RUFY2: variants seen among roughly 807,000 people sequenced by gnomAD.
RUFY2 encodes the protein RUN and FYVE domain-containing protein 2.
A neutral mutation model predicts 94.4 loss-of-function variants in RUFY2; 49 were observed. The observed-to-expected ratio is 0.52, with a 90% CI of 0.41 to 0.66. The LOEUF (loss-of-function observed/expected upper bound fraction) is 0.66, where lower values mean the gene tolerates loss of function less well. Ranked by LOEUF, RUFY2 falls within the 30% of genes least tolerant of loss-of-function variation. The pLI, the probability that RUFY2 is intolerant of heterozygous loss-of-function variation, is 0.00. For missense variants in RUFY2, 541 were observed against 692.8 expected (o/e 0.78, Z 2.46); for synonymous variants, 255 against 235.7 (o/e 1.08, Z -0.75).
chr10:68,377,543 T>C lies in RUFY2; in HGVS notation c.1206-571A>G, dbSNP rs149394056. ...GTGTGTGTGTGTGCACGTGTGCATA[T>C]ATGTTTAAGATTCAAAAAGAATTTG... On this transcript the variant is annotated intron_variant, in intron 12 of 17. Coordinates refer to ENST00000602465, the MANE Select transcript of RUFY2 (RefSeq NM_001330103.2). 3.5e-4 allele frequency: 345 copies of C among 985,482 alleles called. 1 individual carries two copies. The African/African-American group carries it at 5.6e-3, about 16-fold the overall frequency. 61.0% of individuals were successfully genotyped at this position (985,482 alleles called of 1,614,324 possible).
At chr10:68,371,273 T>A (rs1163995728) in intron 13 of RUFY2, among the ~76,000 whole-genome samples, 2 of 151,048 alleles carry the variant, frequency 1.3e-5, no homozygotes, top group African/African-American at 4.9e-5. Context: ...TACAAAAAAA[T>A]TAGCCAGGCG....
intron 8 of RUFY2, among the ~76,000 whole-genome samples, 161 bp from the exon 9 acceptor site, chr10:68,384,313 T>G (rs182342783): frequency 2.0e-3 from 311 of 152,352 alleles, no homozygotes; most frequent in Non-Finnish European, 3.9e-3. Flanking sequence ...CGCTCGTTAT[T>G]ATCCCAAGAT....
At chr10:68,374,923 T>C (rs938074558) in intron 13 of RUFY2, among the ~76,000 whole-genome samples, 2 of 152,160 alleles carry the variant, frequency 1.3e-5, no homozygotes, top group African/African-American at 4.8e-5. Context: ...AGAATCTGTA[T>C]TCTTTAAAAT....
intron 15 of RUFY2, 108 bp from the exon 16 acceptor site, chr10:68,355,509 T>C (rs2046983800): frequency 1.6e-6 from 1 of 627,804 alleles, no homozygotes; most frequent in East Asian, 3.1e-5. Context: ...TTATGTATAG[T>C]ATATGATTTT....
At chr10:68,386,706 G>A (rs952908173) in intron 7 of RUFY2, among the ~76,000 whole-genome samples, 2 of 151,790 alleles carry the variant, frequency 1.3e-5, no homozygotes, top group Admixed American at 6.6e-5. Context: ...AAAATATTTG[G>A]GAATAAAAAT....
At position 68,407,255 on chromosome 10, in the gene RUFY2, G is replaced by A. The variant is rs1354430601; in HGVS notation, c.-66C>T. On this transcript the variant is annotated 5_prime_UTR_variant, in exon 1 of 18. Transcript: ENST00000602465. ...GCCTGTCCAGCAGCTCCTTCCAGGC[G>A]CTCGGCGGCCACCACCGCATCTGCA... is the stretch of plus-strand genomic sequence containing the variant. The A allele has an allele frequency of 1.5e-5, 19 of 1,254,248 alleles. No individual in the cohort carries two copies. The highest frequency in any genetic ancestry group is 1.8e-5 in the Non-Finnish European group (18 of 993,532). 77.7% of individuals were successfully genotyped at this position (1,254,248 alleles called of 1,614,324 possible). A position where few individuals can be genotyped will look rare whatever the true frequency, so the allele number is the denominator to read the frequency against.
At chr10:68,360,516 G>A (rs2047384397) in intron 15 of RUFY2, among the ~76,000 whole-genome samples, 1 of 152,006 alleles carries the variant, frequency 6.6e-6, no homozygotes, top group Non-Finnish European at 1.5e-5. Flanking sequence ...GGCCGAGGCG[G>A]GCAGATCACG....
rs772785152 is a variant in RUFY2, at chr10:68,404,824, C to T, written c.25G>A (p.Val9Ile). The change falls in exon 2 of 18, where the codon GTA (valine) becomes ATA (isoleucine). Residue 9 changes from valine (V) to isoleucine (I), a missense_variant. Transcript: ENST00000602465. ...ATGTTTAACAAGTTTGCTCTCTCTA[C>T]AGCTGTGGGGTCTTTTGTAGCTGAA... The part of the protein sequence containing the change: MATKDPTA[V>I]ERANLLNMAK... 3 of 1,591,804 alleles carry T rather than the reference C, an allele frequency of 1.9e-6. No individual in the cohort carries two copies. Among genetic ancestry groups the T allele is most frequent in the Non-Finnish European group, 2.6e-6 (3 of 1,169,688 alleles).
At position 68,401,675 on chromosome 10, in the gene RUFY2, G is replaced by C; in HGVS notation, c.241C>G (p.Leu81Val). The change falls in exon 3 of 18, where the codon CTG (leucine) becomes GTG (valine). Residue 81 changes from leucine (L) to valine (V), a missense_variant. By Grantham distance (32) the Leu-to-Val change is conservative. This residue lies in a region of RUFY2 where 85 missense variants were observed against 153.4 expected (regional missense o/e 0.55). Transcript: ENST00000602465. The part of the protein sequence containing the change: ...IWGPLELVEK[L>V]YPEAEEIGAS... ...CCTATTTCCTCTGCTTCGGGGTACA[G>C]CTTCTCCACCAGTTCCAAAGGGCCC... 1.2e-6 allele frequency: 2 copies of C among 1,613,948 alleles called. No individual in the cohort carries two copies. Among genetic ancestry groups the C allele is most frequent in the Non-Finnish European group, 1.7e-6 (2 of 1,179,928 alleles).
intron 4 of RUFY2, among the ~76,000 whole-genome samples, chr10:68,395,314 G>A (rs534754781): frequency 1.3e-5 from 2 of 151,606 alleles, no homozygotes; most frequent in African/African-American, 2.4e-5. Context: ...CTCCAGCCTG[G>A]GCAACAGAAC....
intron 3 of RUFY2, among the ~76,000 whole-genome samples, chr10:68,399,589 T>A (rs1460028743): frequency 6.6e-6 from 1 of 152,326 alleles, no homozygotes; most frequent in African/African-American, 2.4e-5. Context: ...CATTTGAACA[T>A]TTGAACATTC....
chr10:68,356,465 C>T (rs1023414476), intron 15 of RUFY2, among the ~76,000 whole-genome samples: 1 of 152,070 alleles, frequency 6.6e-6, no homozygotes, highest in East Asian at 1.9e-4. Flanking sequence ...AAGATCACAC[C>T]ACTGCACTCC....
At chr10:68,390,772 T>A (rs1171956129) in intron 7 of RUFY2, among the ~76,000 whole-genome samples, 1 of 151,830 alleles carries the variant, frequency 6.6e-6, no homozygotes, top group African/African-American at 2.4e-5. Flanking sequence ...ATAATAGTTT[T>A]TTTTTTTTCT....
intron 7 of RUFY2, 45 bp downstream of exon 7, chr10:68,393,093 C>T (rs769497231): frequency 8.6e-7 from 1 of 1,161,670 alleles, no homozygotes; most frequent in Non-Finnish European, 1.2e-6. Context: ...AAAACAAAAA[C>T]CTAAGACAAT....
chr10:68,379,846 C>G (rs1347215936), intron 11 of RUFY2, among the ~76,000 whole-genome samples: 6 of 149,216 alleles, frequency 4.0e-5, no homozygotes, highest in Non-Finnish European at 7.4e-5. Flanking sequence ...CTCACTCTGT[C>G]GCCCAGGCTG....
chr10:68,346,258 T>C, intron 16 of RUFY2, 174 bp from the exon 17 acceptor site: 2 of 580,246 alleles, frequency 3.4e-6, no homozygotes, highest in South Asian at 2.3e-5. Context: ...CCTCAAAATA[T>C]TCTGGGTTGG....
intron 13 of RUFY2, among the ~76,000 whole-genome samples, chr10:68,366,759 T>TATATATATATATATATATATAAAA (rs1235098742): frequency 7.6e-6 from 1 of 131,842 alleles, no homozygotes; most frequent in Admixed American, 9.0e-5. Flanking sequence ...TATATATATA[T>TATATATATATATATATATATAAAA]AATATTAAAT....
At position 68,346,052 on chromosome 10, in the gene RUFY2, T is replaced by C. The variant is rs2046249457; in HGVS notation, c.1632A>G (p.Thr544=). 1 of 1,613,934 alleles carries C rather than the reference T, an allele frequency of 6.2e-7. No individual in the cohort carries two copies. Among genetic ancestry groups the C allele is most frequent in the Non-Finnish European group, 8.5e-7 (1 of 1,179,906 alleles). Reference sequence around the variant, plus strand: ...ATTCCTTTTCACAAAGTTTACAATGTGTTGCTTCTTTGTCTTTCAGCCAAA... The same window carrying C: ...ATTCCTTTTCACAAAGTTTACAATGCGTTGCTTCTTTGTCTTTCAGCCAAA... The part of the protein sequence containing the change: ...GLVWLKDKEA[T]HCKLCEKEFS... The change falls in exon 17 of 18, where the codon ACA becomes ACG. Residue 544 remains threonine, a synonymous_variant. Coordinates refer to ENST00000602465, the MANE Select transcript of RUFY2 (RefSeq NM_001330103.2).
At chr10:68,378,759 GAAAA>G in intron 12 of RUFY2, 1 of 834,586 alleles carries the variant, frequency 1.2e-6, no homozygotes, top group Non-Finnish European at 1.8e-6. Flanking sequence ...AAACAAAAAA[GAAAA>G]AAGAAGAAAG....
Sources: gnomAD v4.1 joint callset for allele counts (sites outside exome capture counted in the v4.1 genomes callset) on GRCh38, gnomAD v4.1.1 for gene constraint, gnomAD v4.1.1 regional missense constraint, MANE v1.5 for transcripts, NCBI Gene and HGNC (gene_info 2026-07-23, HGNC 2026-07-21) for gene names.